The following GBE1 variants were observed in gnomAD, a reference collection of about 807,000 sequenced individuals.
GBE1 encodes the protein 1,4-alpha-glucan branching enzyme 1, also known as 1,4-alpha-glucan-branching enzyme.
GBE1 carries 70 observed loss-of-function variants against 88.8 expected under a neutral mutation model. The observed-to-expected ratio is 0.79, with a 90% CI of 0.65 to 0.96. The LOEUF (loss-of-function observed/expected upper bound fraction) is 0.96, where lower values mean the gene tolerates loss of function less well. GBE1 is among the 40% of genes least tolerant of loss of function. The pLI is 0.00. For missense variants in GBE1, 872 were observed against 871.0 expected, an observed-to-expected ratio of 1.00 and a Z score of -0.01; for synonymous variants, 284 against 300.1, an observed-to-expected ratio of 0.95 and a Z score of 0.56.
At chr3:81,684,427 C>T (rs565386938) in intron 2 of GBE1, among the ~76,000 whole-genome samples, 47 of 152,274 alleles carry the variant, frequency 3.1e-4, no homozygotes, top group Middle Eastern at 3.4e-3. Flanking sequence ...GGTGGCAGCA[C>T]GGTCCAATTC....
At chr3:81,620,888 A>G (rs75215280) in intron 7 of GBE1, among the ~76,000 whole-genome samples, 119 of 152,260 alleles carry the variant, frequency 7.8e-4, no homozygotes, top group African/African-American at 2.7e-3. Context: ...ATAGTCCATA[A>G]AGCAGAGGAG....
intron 7 of GBE1, among the ~76,000 whole-genome samples, chr3:81,607,439 C>T (rs1417797402): frequency 1.3e-5 from 2 of 152,048 alleles, no homozygotes; most frequent in Admixed American, 1.3e-4. Context: ...ATCCCAGCTA[C>T]TTGGGAGGCT....
At chr3:81,749,372 T>C (rs990747256) in intron 1 of GBE1, among the ~76,000 whole-genome samples, 3 of 151,692 alleles carry the variant, frequency 2.0e-5, no homozygotes, top group Non-Finnish European at 4.4e-5. Flanking sequence ...AACTGATATA[T>C]GATTTCATTC....
intron 10 of GBE1, among the ~76,000 whole-genome samples, chr3:81,583,830 C>T (rs1703763666): frequency 6.6e-6 from 1 of 151,936 alleles, no homozygotes; most frequent in Non-Finnish European, 1.5e-5. Context: ...TGTTTTGCAC[C>T]TTGAGTATAT....
chr3:81,543,075 G>A (rs1356826233), intron 12 of GBE1, among the ~76,000 whole-genome samples: 1 of 151,804 alleles, frequency 6.6e-6, no homozygotes, highest in East Asian at 1.9e-4. Context: ...ATCTCAAGAA[G>A]CATATTCATA....
At chr3:81,674,420 G>A (rs1188608055) in intron 2 of GBE1, among the ~76,000 whole-genome samples, 1 of 151,878 alleles carries the variant, frequency 6.6e-6, no homozygotes, top group African/African-American at 2.4e-5. Flanking sequence ...ACTTAGCTAA[G>A]AAAGAAGGAA....
intron 1 of GBE1, among the ~76,000 whole-genome samples, chr3:81,714,406 A>G (rs906181329): frequency 6.6e-6 from 1 of 152,224 alleles, no homozygotes; most frequent in African/African-American, 2.4e-5. Flanking sequence ...TGAAAATCAA[A>G]TGAAATAATG....
At chr3:81,532,261 T>C (rs1171182374) in intron 14 of GBE1, among the ~76,000 whole-genome samples, 2 of 151,970 alleles carry the variant, frequency 1.3e-5, no homozygotes, top group Admixed American at 6.6e-5. Flanking sequence ...GGTGTTCCTG[T>C]AGGGAGGACA....
chr3:81,531,531 C>T (rs958520914), intron 14 of GBE1, among the ~76,000 whole-genome samples: 5 of 151,780 alleles, frequency 3.3e-5, no homozygotes, highest in African/African-American at 9.7e-5. Context: ...AGTGTTCCTC[C>T]GTCATTAATT....
chr3:81,524,648 C>T (rs758525294), intron 14 of GBE1, among the ~76,000 whole-genome samples: 3 of 151,880 alleles, frequency 2.0e-5, no homozygotes, highest in Admixed American at 2.0e-4. Context: ...TTTCCCAGCA[C>T]CGTCTATTGA....
intron 1 of GBE1, among the ~76,000 whole-genome samples, chr3:81,706,943 G>T (rs547611134): frequency 4.0e-5 from 6 of 151,080 alleles, no homozygotes; most frequent in Non-Finnish European, 5.9e-5. Context: ...AATAATTAAA[G>T]AAAAACAATG....
At chr3:81,503,796 T>A (rs955875385) in intron 14 of GBE1, among the ~76,000 whole-genome samples, 4 of 152,114 alleles carry the variant, frequency 2.6e-5, no homozygotes, top group African/African-American at 4.8e-5. Flanking sequence ...TCATATACAG[T>A]TTCTTGTTTA....
chr3:81,527,925 T>C (rs908049674), intron 14 of GBE1, among the ~76,000 whole-genome samples: 1 of 152,062 alleles, frequency 6.6e-6, no homozygotes, highest in Non-Finnish European at 1.5e-5. Context: ...CACGTATGTT[T>C]ATTGCGGCAC....
intron 3 of GBE1, chr3:81,650,276 C>A: frequency 5.5e-6 from 1 of 181,022 alleles, no homozygotes; most frequent in Non-Finnish European, 1.1e-5. Context: ...AGAAAATCAT[C>A]CTACTCCATT....
At chr3:81,643,154 TAA>T (rs1704714910) in intron 6 of GBE1, among the ~76,000 whole-genome samples, 164 bp from the exon 7 acceptor site, 1 of 152,176 alleles carries the variant, frequency 6.6e-6, no homozygotes, top group East Asian at 1.9e-4. Context: ...TATCAAATAT[TAA>T]GCAAATTTAA....
Position 81,490,455 on chromosome 3 carries a change from A to T in GBE1, c.2061T>A (p.Ile687=). ...NGRPYSLLVY[I]PSRVALILQN... ...GAAGGATGAGGGCCACTCTGCTTGG[A>T]ATGTACACCTACGTCAAAACAATTA... The change falls in exon 16 of 16, where the codon ATT becomes ATA. Residue 687 remains isoleucine, a synonymous_variant. Transcript: ENST00000429644. 6.2e-7 allele frequency: 1 copy of T among 1,612,848 alleles called. No homozygotes were observed. The highest frequency in any genetic ancestry group is 8.5e-7 in the Non-Finnish European group (1 of 1,179,142).
intron 12 of GBE1, among the ~76,000 whole-genome samples, chr3:81,563,374 C>T (rs900866221): frequency 6.6e-6 from 1 of 152,082 alleles, no homozygotes; most frequent in Non-Finnish European, 1.5e-5. Context: ...GAAGAAAACC[C>T]ATACCATGGT....
chr3:81,566,623 C>CT (rs1703497976), intron 12 of GBE1, among the ~76,000 whole-genome samples: 1 of 152,168 alleles, frequency 6.6e-6, no homozygotes, highest in Non-Finnish European at 1.5e-5. Flanking sequence ...CTAGAGATGT[C>CT]TATCTCATAC....
chr3:81,614,597 T>C (rs1311193802), intron 7 of GBE1, among the ~76,000 whole-genome samples: 1 of 152,120 alleles, frequency 6.6e-6, no homozygotes, highest in African/African-American at 2.4e-5. Flanking sequence ...CGGTGACTCA[T>C]GCCTATAATC....
Sources: gnomAD v4.1 joint callset for allele counts (sites outside exome capture counted in the v4.1 genomes callset) on GRCh38, gnomAD v4.1.1 for gene constraint, MANE v1.5 for transcripts, NCBI Gene and HGNC (gene_info 2026-07-23, HGNC 2026-07-21) for gene names.